The following POLK variants were observed in gnomAD, a reference collection of about 807,000 sequenced individuals.
POLK encodes polymerase (DNA directed) kappa.
In POLK, 76 loss-of-function variants were observed where a neutral mutation model predicts 94.0. The ratio of observed to expected loss-of-function variants is 0.81; its 90% CI spans 0.67 to 0.98. The LOEUF is 0.98. POLK is among the 50% of genes least tolerant of loss of function. POLK has a pLI of 0.00. For missense variants in POLK, 954 were observed against 1,010.1 expected, an observed-to-expected ratio of 0.94 and a Z score of 0.75; for synonymous variants, 349 against 325.4, an observed-to-expected ratio of 1.07 and a Z score of -0.78.
Position 75,556,474 on chromosome 5 carries a change from C to T in POLK, c.255+3883C>T, listed in dbSNP as rs566244980. 3.6e-4 allele frequency among the ~76,000 whole-genome samples: 55 copies of T among 151,630 alleles called. 1 individual carries two copies. The highest frequency in any genetic ancestry group is 6.8e-3 in the Middle Eastern group (2 of 294). On this transcript the variant is annotated intron_variant, in intron 3 of 14. Coordinates refer to ENST00000241436, the Ensembl canonical transcript of POLK. ...CCAACCTGTGGCTTTTCTTTTTATT[C>T]TATTGACAGTATCTTTCACAGAGCA...
intron 2 of POLK, 69 bp downstream of exon 2, chr5:75,547,226 A>T: frequency 1.5e-6 from 1 of 655,100 alleles, no homozygotes; most frequent in Non-Finnish European, 2.3e-6. Context: ...AAAGAAAATC[A>T]TTTGAATATC....
intron 11 of POLK, among the ~76,000 whole-genome samples, chr5:75,592,972 C>G (rs927196536): frequency 1.3e-5 from 2 of 151,926 alleles, no homozygotes; most frequent in Non-Finnish European, 2.9e-5. Context: ...AGGAGGATAG[C>G]ATGAGCCTGG....
intron 1 of POLK, among the ~76,000 whole-genome samples, chr5:75,541,257 C>T (rs1258967457): frequency 6.6e-6 from 1 of 151,990 alleles, no homozygotes; most frequent in Non-Finnish European, 1.5e-5. Context: ...CACCATTGCA[C>T]TCCAGCCTGG....
At chr5:75,537,888 G>T (rs1475328480) in intron 1 of POLK, among the ~76,000 whole-genome samples, 1 of 150,744 alleles carries the variant, frequency 6.6e-6, no homozygotes, top group African/African-American at 2.4e-5. Context: ...ACGGAGTCTT[G>T]CTCTGTCGCC....
At chr5:75,544,504 TGGTG>T (rs1769911056) in intron 1 of POLK, among the ~76,000 whole-genome samples, 1 of 152,078 alleles carries the variant, frequency 6.6e-6, no homozygotes, top group African/African-American at 2.4e-5. Flanking sequence ...TAACCAGGCA[TGGTG>T]GTGTGCACCT....
At chr5:75,512,524 C>G (rs1376305608) in intron 1 of POLK, 1 of 152,160 alleles carries the variant, frequency 6.6e-6, no homozygotes, top group Non-Finnish European at 1.5e-5. Flanking sequence ...GAAACTTTCT[C>G]GTATTAGAAA....
At chr5:75,570,556 G>A (rs1321048393) in intron 4 of POLK, among the ~76,000 whole-genome samples, 6 of 152,136 alleles carry the variant, frequency 3.9e-5, no homozygotes, top group Admixed American at 6.6e-5. Flanking sequence ...AACATACTTC[G>A]TTAATAGAGT....
chr5:75,556,967 G>A (rs754607535), intron 3 of POLK, among the ~76,000 whole-genome samples: 51 of 152,290 alleles, frequency 3.3e-4, no homozygotes, highest in Non-Finnish European at 6.8e-4. Flanking sequence ...GGAGGCTGAG[G>A]TGGGAAGATT....
chr5:75,514,811 G>C (rs1206532665), intron 1 of POLK, among the ~76,000 whole-genome samples: 2 of 152,022 alleles, frequency 1.3e-5, no homozygotes, highest in Non-Finnish European at 2.9e-5. Context: ...GCTGTAGTGA[G>C]CTGTGATCAT....
chr5:75,560,010 G>A lies in POLK; in HGVS notation c.255+7419G>A, dbSNP rs541122927. On this transcript the variant is annotated intron_variant, in intron 3 of 14. Transcript: ENST00000241436. ...GATGGAAAATATACCATTACAGTTTGATTTGAGTGTATTTCAACATTACAG... is the reference window on the plus strand; with the variant it reads ...GATGGAAAATATACCATTACAGTTTAATTTGAGTGTATTTCAACATTACAG... 2.6e-5 allele frequency among the ~76,000 whole-genome samples: 4 copies of A among 152,294 alleles called. No homozygotes were observed. In the East Asian group the frequency reaches 7.7e-4, roughly 29 times the overall value.
intron 8 of POLK, among the ~76,000 whole-genome samples, chr5:75,584,250 A>G (rs1278859317): frequency 1.3e-5 from 2 of 152,324 alleles, no homozygotes; most frequent in East Asian, 3.9e-4. Context: ...CAATCCCACC[A>G]TTCCCCAAGT....
At chr5:75,592,926 C>G (rs550982878) in intron 11 of POLK, among the ~76,000 whole-genome samples, 1 of 151,162 alleles carries the variant, frequency 6.6e-6, no homozygotes, top group Non-Finnish European at 1.5e-5. Flanking sequence ...CATGGTGGCA[C>G]GAGTGTGTAG....
chr5:75,606,875 A>G, the POLK span, among the ~76,000 whole-genome samples: 1 of 152,132 alleles, frequency 6.6e-6, no homozygotes, highest in Non-Finnish European at 1.5e-5. Context: ...ACCAGTACAC[A>G]TGTAGGCTTG....
chr5:75,543,358 T>A lies in POLK; in HGVS notation c.-13-3652T>A, dbSNP rs141038305. ...CCCAGCTGTGCCTTATATTTTTAAC[T>A]AGTAACCTGAATAAATTCGGGGTGA... is the stretch of plus-strand genomic sequence containing the variant. On this transcript the variant is annotated intron_variant, in intron 1 of 14. Transcript: ENST00000241436. Among the ~76,000 whole-genome samples, 15 of 152,260 alleles carry A rather than the reference T, an allele frequency of 9.9e-5. 1 individual carries two copies. In the East Asian group the frequency reaches 2.9e-3, roughly 29 times the overall value.
intron 1 of POLK, among the ~76,000 whole-genome samples, chr5:75,539,524 G>A (rs1769628381): frequency 6.6e-6 from 1 of 151,968 alleles, no homozygotes; most frequent in South Asian, 2.1e-4. Flanking sequence ...TTGAAACAGG[G>A]TGTCTCTGTC....
At chr5:75,576,180 T>A (rs5744652) in intron 5 of POLK, among the ~76,000 whole-genome samples, 1 of 152,172 alleles carries the variant, frequency 6.6e-6, no homozygotes, top group Non-Finnish European at 1.5e-5. Context: ...GAGTACACTA[T>A]AGATTGTCAT....
intron 4 of POLK, among the ~76,000 whole-genome samples, chr5:75,571,138 ATT>A (rs536909874): frequency 3.7e-4 from 56 of 152,284 alleles, no homozygotes; most frequent in African/African-American, 1.3e-3. Context: ...AAAATCAGTT[ATT>A]GTTTCTAAAT....
chr5:75,571,278 G>A (rs1481413171), intron 4 of POLK, among the ~76,000 whole-genome samples: 2 of 152,116 alleles, frequency 1.3e-5, no homozygotes, highest in Admixed American at 6.6e-5. Flanking sequence ...ATTAATGGGA[G>A]TGATTGTTTG....
At chr5:75,511,777 A>T (rs1768023494) in exon 1 of POLK, 2 of 1,551,426 alleles carry the variant, frequency 1.3e-6, no homozygotes, top group Non-Finnish European at 1.7e-6. Flanking sequence ...CTCCCGGGTG[A>T]CGACGGGTAG....
Sources: allele counts gnomAD v4.1 joint callset (sites outside exome capture counted in the v4.1 genomes callset), GRCh38; gene constraint gnomAD v4.1.1; transcripts MANE v1.5; gene names NCBI Gene and HGNC (gene_info 2026-07-23, HGNC 2026-07-21).